DNAI2: variants seen among roughly 807,000 people sequenced by gnomAD.
DNAI2 encodes dynein, axonemal, intermediate polypeptide 2.
Under a neutral mutation model 74.7 loss-of-function variants are expected in DNAI2, and 63 were observed. The observed-to-expected ratio is 0.84, with a 90% CI of 0.69 to 1.04. DNAI2 has a LOEUF of 1.04. Among genes scored for constraint, DNAI2 ranks in the 50% least tolerant of loss-of-function variants. The probability of loss-of-function intolerance (pLI) is 0.00; values close to 1 mark genes in which losing one functional copy is unlikely to be tolerated. For synonymous variants in DNAI2, 289 were observed against 314.9 expected, an observed-to-expected ratio of 0.92 and a Z score of 0.87; for missense variants, 688 against 803.2, an observed-to-expected ratio of 0.86 and a Z score of 1.73.
At chr17:74,292,161 G>A (rs991428485) in intron 6 of DNAI2, among the ~76,000 whole-genome samples, 1 of 152,196 alleles carries the variant, frequency 6.6e-6, no homozygotes, top group Non-Finnish European at 1.5e-5. Context: ...CACCATGCCT[G>A]GCCGCTATTA....
Position 74,299,833 on chromosome 17 carries a change from C to G in DNAI2, c.840C>G (p.Cys280Trp), listed in dbSNP as rs1275378188. Residue 280 changes from cysteine (C) to tryptophan (W), a missense_variant, in exon 7 of 14, where the codon TGC (cysteine) becomes TGG (tryptophan). Coordinates refer to ENST00000311014, the MANE Select transcript of DNAI2 (RefSeq NM_023036.6). ...TGCAGTCGAAGACGGGCACCGAGTG[C>G]TTCTCAGCTTCCACGGATGGGCAGG... ...IWLQSKTGTE[C>W]FSASTDGQVM... 6.2e-7 allele frequency: 1 copy of G among 1,613,374 alleles called. No homozygotes were observed. The highest frequency in any genetic ancestry group is 1.3e-5 in the African/African-American group (1 of 74,872).
At chr17:74,310,502 GTATTA>G (rs1451662647) in intron 11 of DNAI2, among the ~76,000 whole-genome samples, 1 of 149,894 alleles carries the variant, frequency 6.7e-6, no homozygotes, top group Non-Finnish European at 1.5e-5. Context: ...GCTTAGTATT[GTATTA>G]TATTATATTG....
chr17:74,287,310 A>G (rs1191306225), intron 4 of DNAI2, among the ~76,000 whole-genome samples: 4 of 152,216 alleles, frequency 2.6e-5, no homozygotes, highest in Non-Finnish European at 5.9e-5. Context: ...TACAGACTCC[A>G]GAGAAAGTGA....
At chr17:74,293,113 G>A (rs190023590) in intron 6 of DNAI2, among the ~76,000 whole-genome samples, 193 of 152,142 alleles carry the variant, frequency 1.3e-3, no homozygotes, top group African/African-American at 4.2e-3. Context: ...GATAACAGGC[G>A]TGAGCCACCG....
intron 12 of DNAI2, among the ~76,000 whole-genome samples, chr17:74,313,635 AG>A (rs2053658479): frequency 6.6e-6 from 1 of 152,246 alleles, no homozygotes; most frequent in South Asian, 2.1e-4. Context: ...GAAGGGGTTC[AG>A]GTTCACAGAA....
chr17:74,313,338 G>A (rs192070770), intron 12 of DNAI2, among the ~76,000 whole-genome samples: 13 of 152,298 alleles, frequency 8.5e-5, no homozygotes, highest in Non-Finnish European at 1.5e-4. Context: ...GCATTTGGGG[G>A]TACTTGGTTA....
At chr17:74,283,831 C>T (rs184237320) in intron 2 of DNAI2, among the ~76,000 whole-genome samples, 16 of 152,022 alleles carry the variant, frequency 1.1e-4, no homozygotes, top group Non-Finnish European at 2.2e-4. Flanking sequence ...AGGATCCCTT[C>T]AGCCTGAGAA....
At chr17:74,281,784 C>A in intron 1 of DNAI2, 23 bp from the exon 2 acceptor site, 1 of 1,611,500 alleles carries the variant, frequency 6.2e-7, no homozygotes, top group Non-Finnish European at 8.5e-7. Flanking sequence ...TCCCTCACCC[C>A]ACACCCTCCC....
rs780216155 is a variant in DNAI2 at position 74,286,968 on chromosome 17, C to T, written c.346-9C>T. On this transcript the variant is annotated splice_polypyrimidine_tract_variant and intron_variant, in intron 3 of 13. Coordinates refer to ENST00000311014, the MANE Select transcript of DNAI2 (RefSeq NM_023036.6). ...TTACTGCGGAGAACTTCCAATGTGT[C>T]CCCCCTAGATCATGGAGCACTGCAT... is the stretch of plus-strand genomic sequence containing the variant. 1.9e-6 allele frequency: 3 copies of T among 1,613,458 alleles called. No individual in the cohort carries two copies. Among genetic ancestry groups the T allele is most frequent in the Middle Eastern group, 1.7e-4 (1 of 6,054 alleles).
intron 9 of DNAI2, among the ~76,000 whole-genome samples, chr17:74,308,110 T>C (rs2144096925): frequency 6.6e-6 from 1 of 152,242 alleles, no homozygotes; most frequent in South Asian, 2.1e-4. Flanking sequence ...GATCCTTTCT[T>C]TAGTCTTGAT....
chr17:74,285,956 C>CACAT (rs748220116), intron 3 of DNAI2, among the ~76,000 whole-genome samples: 1 of 68,192 alleles, frequency 1.5e-5, no homozygotes, highest in Non-Finnish European at 4.1e-5. Context: ...TACACACACA[C>CACAT]ACATATATAT....
At position 74,310,085 on chromosome 17, in the gene DNAI2, G is replaced by T; in HGVS notation, c.1416G>T (p.Gln472His). Residue 472 changes from glutamine (Q) to histidine (H), a missense_variant, in exon 11 of 14, where the codon CAG (glutamine) becomes CAT (histidine). Coordinates refer to ENST00000311014, the MANE Select transcript of DNAI2 (RefSeq NM_023036.6). The stretch of plus-strand genomic sequence containing the variant: ...GGTGTCTCATCGCCTGCGGCTCCCA[G>T]CTGGGGACAACCACCCTGCTGGAGG... ...DNGCLIACGSQLGTTTLLEVS... is the reference protein window; with the variant it reads ...DNGCLIACGSHLGTTTLLEVS... 1 of 1,613,928 alleles carries T rather than the reference G, an allele frequency of 6.2e-7. No homozygotes were observed. Among genetic ancestry groups the T allele is most frequent in the Non-Finnish European group, 8.5e-7 (1 of 1,180,046 alleles).
intron 1 of DNAI2, among the ~76,000 whole-genome samples, chr17:74,278,065 A>G (rs770916646): frequency 7.9e-5 from 12 of 152,234 alleles, no homozygotes; most frequent in African/African-American, 1.9e-4. Context: ...AGAGCCAGAC[A>G]TGCCTGGTGG....
At chr17:74,299,947 C>G in intron 7 of DNAI2, 90 bp downstream of exon 7, 1 of 1,558,762 alleles carries the variant, frequency 6.4e-7, no homozygotes, top group South Asian at 1.1e-5. Context: ...GGGACATTTC[C>G]TTTAACACAT....
At chr17:74,278,768 C>T (rs944396231) in intron 1 of DNAI2, among the ~76,000 whole-genome samples, 2 of 151,128 alleles carry the variant, frequency 1.3e-5, no homozygotes, top group Middle Eastern at 3.4e-3. Flanking sequence ...AATGAGATTC[C>T]ATCTCAAAAA....
intron 4 of DNAI2, 129 bp downstream of exon 4, chr17:74,287,227 G>C: frequency 7.0e-7 from 1 of 1,433,206 alleles, no homozygotes; most frequent in South Asian, 1.2e-5. Context: ...AGCTTGATAA[G>C]TGACGTGGTG....
intron 1 of DNAI2, among the ~76,000 whole-genome samples, chr17:74,279,568 T>C (rs918057528): frequency 6.6e-6 from 1 of 152,100 alleles, no homozygotes; most frequent in African/African-American, 2.4e-5. Flanking sequence ...TGCTCTGTCA[T>C]CCAGGCTGGA....
Position 74,285,070 on chromosome 17 carries a change from C to T in DNAI2, c.214C>T (p.Arg72Trp), listed in dbSNP as rs1367276490. The T allele has an allele frequency of 1.3e-5, 21 of 1,614,052 alleles. No individual in the cohort carries two copies. Among genetic ancestry groups the T allele is most frequent in the Middle Eastern group, 1.6e-4 (1 of 6,084 alleles). The stretch of plus-strand genomic sequence containing the variant: ...CTCAGAGCGGTTTGAGATGGAGACC[C>T]GGGGAGTTAACCATGTCGAGGGGGG... ...ANSERFEMET[R>W]GVNHVEGGWP... is the part of the protein sequence containing the mutation. The change falls in exon 3 of 14, where the codon CGG (arginine) becomes TGG (tryptophan). Residue 72 changes from arginine (R) to tryptophan (W), a missense_variant. Coordinates refer to ENST00000311014, the MANE Select transcript of DNAI2 (RefSeq NM_023036.6).
chr17:74,308,556 A>G (rs2053316929), intron 9 of DNAI2, among the ~76,000 whole-genome samples: 1 of 151,636 alleles, frequency 6.6e-6, no homozygotes, highest in Non-Finnish European at 1.5e-5. Context: ...GGGTCTCACT[A>G]CGTTGCCCAG....
Sources: allele counts gnomAD v4.1 joint callset (sites outside exome capture counted in the v4.1 genomes callset), GRCh38; gene constraint gnomAD v4.1.1; transcripts MANE v1.5; gene names NCBI Gene and HGNC (gene_info 2026-07-23, HGNC 2026-07-21).